The following PLCB1 variants were observed in gnomAD, a reference collection of about 807,000 sequenced individuals.
PLCB1 encodes the protein 1-phosphatidylinositol 4,5-bisphosphate phosphodiesterase beta-1.
A neutral mutation model predicts 161.8 loss-of-function variants in PLCB1; 46 were observed. That is an observed-to-expected ratio of 0.28 (90% CI 0.22 to 0.36). The LOEUF is 0.36. Among genes scored for constraint, PLCB1 ranks in the 10% least tolerant of loss-of-function variants. PLCB1 has a pLI of 1.00. For missense variants in PLCB1, 1,016 were observed against 1,472.5 expected (o/e 0.69, Z 5.07); for synonymous variants, 517 against 503.7 (o/e 1.03, Z -0.35).
intron 3 of PLCB1, among the ~76,000 whole-genome samples, chr20:8,414,177 G>T (rs1458578230): frequency 1.3e-5 from 2 of 151,990 alleles, no homozygotes; most frequent in African/African-American, 4.8e-5. Flanking sequence ...AAAATGAAGA[G>T]ATCTGTTTTC....
chr20:8,628,694 G>T (rs1480455818), intron 4 of PLCB1: 2 of 330,646 alleles, frequency 6.0e-6, no homozygotes, highest in Non-Finnish European at 1.2e-5. Context: ...CAGCACTTTG[G>T]GAGGCCGAGG....
At chr20:8,480,959 C>T (rs952889094) in intron 3 of PLCB1, among the ~76,000 whole-genome samples, 1 of 152,052 alleles carries the variant, frequency 6.6e-6, no homozygotes, top group African/African-American at 2.4e-5. Context: ...CAAAAATTAG[C>T]TGGGCGTGGT....
At chr20:8,143,278 C>T (rs1343681420) in intron 1 of PLCB1, among the ~76,000 whole-genome samples, 1 of 152,160 alleles carries the variant, frequency 6.6e-6, no homozygotes, top group Non-Finnish European at 1.5e-5. Context: ...TTTTTCTGCC[C>T]TCACCACTAC....
chr20:8,763,811 A>G (rs764598716), intron 25 of PLCB1, among the ~76,000 whole-genome samples: 1 of 151,946 alleles, frequency 6.6e-6, no homozygotes, highest in Non-Finnish European at 1.5e-5. Flanking sequence ...GAGCCAATGC[A>G]CTTGGCCCAG....
At chr20:8,798,465 T>A (rs1984133088) in intron 31 of PLCB1, among the ~76,000 whole-genome samples, 1 of 152,186 alleles carries the variant, frequency 6.6e-6, no homozygotes, top group Non-Finnish European at 1.5e-5. Flanking sequence ...GTCTCTCTAA[T>A]GATGGACCCT....
intron 3 of PLCB1, among the ~76,000 whole-genome samples, chr20:8,477,045 A>G (rs906269370): frequency 6.6e-6 from 1 of 152,178 alleles, no homozygotes; most frequent in Non-Finnish European, 1.5e-5. Context: ...AGGATTACTC[A>G]GCGGGTTCCA....
chr20:8,726,528 T>C (rs553804036), intron 16 of PLCB1, among the ~76,000 whole-genome samples: 13 of 152,210 alleles, frequency 8.5e-5, no homozygotes, highest in East Asian at 3.9e-4. Context: ...GGAAGGCACC[T>C]CTTCACAGGG....
Position 8,789,508 on chromosome 20 carries a change from T to C in PLCB1, c.3279-10T>C. 1 of 1,594,300 alleles carries C rather than the reference T, an allele frequency of 6.3e-7. No homozygotes were observed. The highest frequency in any genetic ancestry group is 8.6e-7 in the Non-Finnish European group (1 of 1,161,962). On this transcript the variant is annotated splice_polypyrimidine_tract_variant and intron_variant, in intron 29 of 31. Coordinates refer to ENST00000338037, the MANE Select transcript of PLCB1 (RefSeq NM_015192.4). Reference sequence around the variant, plus strand: ...ATTGGTATAATGATGTATTCATCATTTGCTTTTAGGGAGAAGACAGAGATG... The same window carrying C: ...ATTGGTATAATGATGTATTCATCATCTGCTTTTAGGGAGAAGACAGAGATG...
At chr20:8,777,466 C>T (rs1027546975) in intron 27 of PLCB1, among the ~76,000 whole-genome samples, 1 of 151,910 alleles carries the variant, frequency 6.6e-6, no homozygotes, top group Non-Finnish European at 1.5e-5. Context: ...CACCTGTGAT[C>T]CCAGTACTTT....
intron 3 of PLCB1, among the ~76,000 whole-genome samples, chr20:8,595,551 C>T: frequency 7.2e-6 from 1 of 138,978 alleles, no homozygotes; most frequent in Non-Finnish European, 1.6e-5. Flanking sequence ...AATAATGCCA[C>T]AATAAACATA....
At chr20:8,395,541 A>G (rs541573788) in intron 3 of PLCB1, among the ~76,000 whole-genome samples, 1 of 152,224 alleles carries the variant, frequency 6.6e-6, no homozygotes, top group South Asian at 2.1e-4. Flanking sequence ...TATACATAAT[A>G]TTGAAAAGGA....
chr20:8,603,198 G>C (rs141920821), intron 3 of PLCB1, among the ~76,000 whole-genome samples: 95 of 152,248 alleles, frequency 6.2e-4, no homozygotes, highest in African/African-American at 2.0e-3. Flanking sequence ...AGAAATACAA[G>C]ATTTTCTTTT....
intron 3 of PLCB1, among the ~76,000 whole-genome samples, chr20:8,580,423 A>G (rs1007250351): frequency 6.6e-6 from 1 of 152,210 alleles, no homozygotes; most frequent in African/African-American, 2.4e-5. Context: ...AGTCTTATAT[A>G]AAGTTTGCAG....
intron 31 of PLCB1, among the ~76,000 whole-genome samples, chr20:8,824,486 A>G (rs1985590800): frequency 6.6e-6 from 1 of 152,138 alleles, no homozygotes; most frequent in African/African-American, 2.4e-5. Context: ...GTGGCAGGAG[A>G]AATTCAGGAG....
intron 31 of PLCB1, among the ~76,000 whole-genome samples, chr20:8,842,232 C>T (rs1287774666): frequency 6.6e-6 from 1 of 152,102 alleles, no homozygotes. Flanking sequence ...ATAGAAAGCG[C>T]ATGATATTTT....
intron 31 of PLCB1, among the ~76,000 whole-genome samples, chr20:8,877,054 A>T (rs1987806481): frequency 1.7e-5 from 1 of 58,322 alleles, no homozygotes; most frequent in African/African-American, 8.5e-5. Flanking sequence ...AGGGGTGAAG[A>T]ATTACTGCCA....
chr20:8,543,745 A>C (rs1985428300), intron 3 of PLCB1, among the ~76,000 whole-genome samples: 1 of 151,920 alleles, frequency 6.6e-6, no homozygotes, highest in South Asian at 2.1e-4. Flanking sequence ...GGTGGTGATT[A>C]GATTATGGGG....
chr20:8,725,486 C>T (rs1201107572), intron 16 of PLCB1, among the ~76,000 whole-genome samples: 9 of 152,094 alleles, frequency 5.9e-5, no homozygotes, highest in Non-Finnish European at 1.5e-5. Flanking sequence ...TCAAGGATGG[C>T]TTTGCAGCTA....
At chr20:8,420,020 T>A (rs708915) in intron 3 of PLCB1, among the ~76,000 whole-genome samples, 55,891 of 152,038 alleles carry the variant, frequency 0.37, 13,241 homozygotes, top group African/African-American at 0.66. Flanking sequence ...CCATTATTCA[T>A]TAAGGTCACA....
Sources: allele counts gnomAD v4.1 joint callset (sites outside exome capture counted in the v4.1 genomes callset), GRCh38; gene constraint gnomAD v4.1.1; transcripts MANE v1.5; gene names NCBI Gene and HGNC (gene_info 2026-07-23, HGNC 2026-07-21).